The following EEF2K variants were observed in gnomAD, a reference collection of about 807,000 sequenced individuals.
EEF2K encodes the protein eukaryotic elongation factor 2 kinase, also known as alternative protein EEF2K.
A neutral mutation model predicts 93.8 loss-of-function variants in EEF2K; 70 were observed. That is an observed-to-expected ratio of 0.75 (90% CI 0.62 to 0.91). The LOEUF (loss-of-function observed/expected upper bound fraction) is 0.91, where lower values mean the gene tolerates loss of function less well. Among genes scored for constraint, EEF2K ranks in the 40% least tolerant of loss-of-function variants. The pLI, the probability that EEF2K is intolerant of heterozygous loss-of-function variation, is 0.00. For missense variants in EEF2K, 935 were observed against 972.9 expected, an observed-to-expected ratio of 0.96 and a Z score of 0.52; for synonymous variants, 376 against 380.8, an observed-to-expected ratio of 0.99 and a Z score of 0.15.
rs971161137 is a variant in EEF2K, at chr16:22,255,709, G to T, written c.619-1039G>T. 2.6e-5 allele frequency among the ~76,000 whole-genome samples: 4 copies of T among 152,062 alleles called. No homozygotes were observed. In the East Asian group the frequency reaches 7.8e-4, roughly 30 times the overall value. ...AGGCCAGTTCTTGAGGCCAGTTCAA[G>T]ACCAGCCTAGGCAACATAGTGAGAC... On this transcript the variant is annotated intron_variant, in intron 6 of 17. Coordinates refer to ENST00000263026, the MANE Select transcript of EEF2K (RefSeq NM_013302.5).
In EEF2K at chr16:22,252,549, C is replaced by T. The variant is rs1388915504; in HGVS notation, c.618+1227C>T. Among the ~76,000 whole-genome samples the T allele has an allele frequency of 3.9e-5, 6 of 152,200 alleles. No individual in the cohort carries two copies. In the East Asian group the frequency reaches 9.6e-4, roughly 24 times the overall value. ...GGCAGGAATATGCAGATTGGGCACA[C>T]CCTAGCCATGTGCCTGCCCTTAGAG... On this transcript the variant is annotated intron_variant, in intron 6 of 17. Coordinates refer to ENST00000263026, the MANE Select transcript of EEF2K (RefSeq NM_013302.5).
chr16:22,256,720 C>G, intron 6 of EEF2K, 28 bp from the exon 7 acceptor site: 1 of 1,608,848 alleles, frequency 6.2e-7, no homozygotes. Flanking sequence ...TGGGCCCTCC[C>G]GCCTGAGCCC....
chr16:22,241,521 T>C (rs1237490005), intron 2 of EEF2K, among the ~76,000 whole-genome samples: 1 of 150,832 alleles, frequency 6.6e-6, no homozygotes, highest in Non-Finnish European at 1.5e-5. Context: ...GGCTCACGCC[T>C]GTAATCCCAG....
chr16:22,263,100 C>T lies in EEF2K; in HGVS notation c.1300-10C>T. The T allele has an allele frequency of 6.2e-7, 1 of 1,609,878 alleles. No homozygotes were observed. The highest frequency in any genetic ancestry group is 8.5e-7 in the Non-Finnish European group (1 of 1,178,110). On this transcript the variant is annotated splice_polypyrimidine_tract_variant and intron_variant, in intron 11 of 17. Transcript: ENST00000263026. Reference sequence around the variant, plus strand: ...ACCACCAGGACCCTAAGGCCGTCTTCTCTCCACAGGAGTCTGAGAATAGTG... The same window carrying T: ...ACCACCAGGACCCTAAGGCCGTCTTTTCTCCACAGGAGTCTGAGAATAGTG...
Position 22,207,404 on chromosome 16 carries a change from G to T in EEF2K, c.-77+725G>T, listed in dbSNP as rs79264262. ...TCGGTGGTGGGTGCTTCTTCAGCCA[G>T]GAAAGCAGGAAACACTAGGGCTGGA... On this transcript the variant is annotated intron_variant, in intron 1 of 17. Transcript: ENST00000263026. Among the ~76,000 whole-genome samples, 55 of 152,272 alleles carry T rather than the reference G, an allele frequency of 3.6e-4. 2 individuals carry two copies. In the East Asian group the frequency reaches 0.01, roughly 28 times the overall value.
In EEF2K at chr16:22,256,833, A is replaced by AGT; in HGVS notation, c.705_706dup (p.Tyr236CysfsTer19). On this transcript the variant is annotated frameshift_variant, in exon 7 of 18. Coordinates refer to ENST00000263026, the MANE Select transcript of EEF2K (RefSeq NM_013302.5). LOFTEE classifies it high-confidence loss of function. ...CACCTGGAGCACTACATCGAGGGCA[A>AGT]GTACATCAAGTACAACTCCAACTCT... The AGT allele has an allele frequency of 6.2e-7, 1 of 1,614,202 alleles. No individual in the cohort carries two copies. The highest frequency in any genetic ancestry group is 1.1e-5 in the South Asian group (1 of 91,084).
chr16:22,219,684 G>A (rs1399557016), intron 1 of EEF2K, among the ~76,000 whole-genome samples: 1 of 152,138 alleles, frequency 6.6e-6, no homozygotes, highest in Non-Finnish European at 1.5e-5. Context: ...GGGAGAGAAG[G>A]AGCTACTGTT....
At chr16:22,218,934 A>AT (rs1323404851) in intron 1 of EEF2K, among the ~76,000 whole-genome samples, 3 of 134,432 alleles carry the variant, frequency 2.2e-5, no homozygotes, top group African/African-American at 9.5e-5. Flanking sequence ...AAACAAAAAA[A>AT]TTAAAAAAAA....
intron 1 of EEF2K, among the ~76,000 whole-genome samples, chr16:22,220,075 C>T (rs972201563): frequency 2.6e-5 from 4 of 152,182 alleles, no homozygotes; most frequent in Non-Finnish European, 5.9e-5. Context: ...TGAGTGGCCA[C>T]GTGACATGCT....
chr16:22,257,277 C>G lies in EEF2K; in HGVS notation c.793C>G (p.Arg265Gly), dbSNP rs778410008. The change falls in exon 8 of 18, where the codon CGT (arginine) becomes GGT (glycine). Residue 265 changes from arginine (R) to glycine (G), a missense_variant. Coordinates refer to ENST00000263026, the MANE Select transcript of EEF2K (RefSeq NM_013302.5). The part of the protein sequence containing the change: ...PQAFSHFTFE[R>G]SGHQLIVVDI... The stretch of plus-strand genomic sequence containing the variant: ...GGCCTTCAGCCACTTCACTTTTGAG[C>G]GTTCCGGCCATCAGCTGATAGTGGT... 2 of 1,613,996 alleles carry G rather than the reference C, an allele frequency of 1.2e-6. No individual in the cohort carries two copies. The highest frequency in any genetic ancestry group is 1.3e-5 in the African/African-American group (1 of 74,910).
intron 15 of EEF2K, among the ~76,000 whole-genome samples, chr16:22,272,632 C>T (rs544321370): frequency 1.3e-5 from 2 of 150,742 alleles, no homozygotes; most frequent in African/African-American, 2.4e-5. Flanking sequence ...GATGGCCATA[C>T]TGTTCTGTGA....
intron 1 of EEF2K, 67 bp from the exon 2 acceptor site, chr16:22,225,586 GT>G: frequency 3.1e-6 from 4 of 1,281,546 alleles, no homozygotes; most frequent in Non-Finnish European, 4.2e-6. Flanking sequence ...AGCATTTGGG[GT>G]GAGGGTCGGG....
rs557874144 is a variant in EEF2K at position 22,272,405 on chromosome 16, T to C, written c.1765-1221T>C. 9.2e-5 allele frequency among the ~76,000 whole-genome samples: 14 copies of C among 152,320 alleles called. No homozygotes were observed. The South Asian group carries it at 2.9e-3, about 32-fold the overall frequency. On this transcript the variant is annotated intron_variant, in intron 15 of 17. Coordinates refer to ENST00000263026, the MANE Select transcript of EEF2K (RefSeq NM_013302.5). The stretch of plus-strand genomic sequence containing the variant: ...CAACACAGATGGACCGTGAAAGCAC[T>C]GTGCTAAGTGAAAAGAGTCGCAAAG...
At chr16:22,227,240 A>AT (rs1217409624) in intron 2 of EEF2K, among the ~76,000 whole-genome samples, 6 of 152,152 alleles carry the variant, frequency 3.9e-5, no homozygotes, top group East Asian at 3.9e-4. Flanking sequence ...TATTCATTTT[A>AT]TTTTTTTGTA....
intron 1 of EEF2K, among the ~76,000 whole-genome samples, chr16:22,216,673 CACTTGAGACCAGGG>C (rs2046960473): frequency 6.6e-6 from 1 of 152,044 alleles, no homozygotes; most frequent in African/African-American, 2.4e-5. Flanking sequence ...GCGGGAGGAT[CACTTGAGACCAGGG>C]GCTTGAGACT....
intron 1 of EEF2K, among the ~76,000 whole-genome samples, chr16:22,220,691 C>T (rs2047003390): frequency 1.3e-5 from 2 of 152,206 alleles, no homozygotes; most frequent in Admixed American, 6.5e-5. Flanking sequence ...GCGATCTGCC[C>T]ACCTTGGCCT....
intron 2 of EEF2K, among the ~76,000 whole-genome samples, chr16:22,244,309 G>GTGTGTA (rs1491540875): frequency 3.5e-5 from 5 of 142,138 alleles, no homozygotes; most frequent in Non-Finnish European, 7.6e-5. Context: ...GTGTGTGTGT[G>GTGTGTA]TATATCCTAT....
intron 6 of EEF2K, among the ~76,000 whole-genome samples, chr16:22,255,679 GCTTGAGGCCAGTT>G (rs1352471675): frequency 2.6e-5 from 4 of 152,238 alleles, no homozygotes; most frequent in South Asian, 4.1e-4. Context: ...CAAGAGGATT[GCTTGAGGCCAGTT>G]CTTGAGGCCA....
intron 3 of EEF2K, among the ~76,000 whole-genome samples, chr16:22,246,044 G>T (rs2047287106): frequency 6.6e-6 from 1 of 152,154 alleles, no homozygotes; most frequent in Non-Finnish European, 1.5e-5. Flanking sequence ...AGTCCTACAA[G>T]ACCGTCCCCG....
Sources: gnomAD v4.1 joint callset for allele counts (sites outside exome capture counted in the v4.1 genomes callset) on GRCh38, gnomAD v4.1.1 for gene constraint, MANE v1.5 for transcripts, NCBI Gene and HGNC (gene_info 2026-07-23, HGNC 2026-07-21) for gene names.